The following RTL1 variants were observed in gnomAD, a reference collection of about 807,000 sequenced individuals.
RTL1 encodes retrotransposon Gag like 1, also known as retrotransposon-like protein 1.
For synonymous variants in RTL1, 727 were observed against 748.4 expected (o/e 0.97, Z 0.47); for missense variants, 1,681 against 1,767.5 (o/e 0.95, Z 0.88).
rs922960436 is a variant in RTL1, at chr14:100,881,234, G to T, written c.3555C>A (p.Gly1185=). ...GCCAGAAGCCAGGGGTGAACTGCAG[G>T]CCTCGGTGGGCCTGGGAGTGCAGAG... ...RNALHSQAHR[G]LQFTPGFWLT... Residue 1185 remains glycine (G), a synonymous_variant, in exon 4 of 4, where the codon GGC becomes GGA. Coordinates refer to ENST00000649591, the MANE Select transcript of RTL1 (RefSeq NM_001134888.3). This position sits in a 1 kb window ranked among gnomAD's most constrained non-coding sequence, Gnocchi z 6.6. 47 of 1,547,760 alleles carry T rather than the reference G, an allele frequency of 3.0e-5. No homozygotes were observed. Among genetic ancestry groups the T allele is most frequent in the Non-Finnish European group, 4.0e-5 (46 of 1,145,452 alleles).
intron 3 of RTL1, among the ~76,000 whole-genome samples, chr14:100,885,095 C>G (rs1167763647): frequency 6.6e-6 from 1 of 152,230 alleles, no homozygotes; most frequent in Non-Finnish European, 1.5e-5. Context: ...CAGGCTTATT[C>G]AGTCTGCCTG....
chr14:100,884,224 C>A lies in RTL1; in HGVS notation c.565G>T (p.Glu189Ter). 6.4e-7 allele frequency: 1 copy of A among 1,551,758 alleles called. No homozygotes were observed. The highest frequency in any genetic ancestry group is 2.0e-5 in the Admixed American group (1 of 51,014). ...GCATTGATCCCTTTGATCAAGATCT[C>A]TTCTGCTACTCTCTGTTGCTCTTTG... is the stretch of plus-strand genomic sequence containing the variant. Reference protein sequence around the residue: ...DLKEQQRVAEEILIKGINAGQ... With the variant: ...DLKEQQRVAE The change falls in exon 4 of 4, where the codon GAG (glutamate) becomes TAG (stop). Residue 189 changes from glutamate to a stop codon, truncating the protein, a stop_gained. Coordinates refer to ENST00000649591, the MANE Select transcript of RTL1 (RefSeq NM_001134888.3). LOFTEE classifies it low-confidence loss of function (END_TRUNC).
chr14:100,890,315 C>G (rs1458401034), intron 3 of RTL1, among the ~76,000 whole-genome samples: 1 of 151,452 alleles, frequency 6.6e-6, no homozygotes, highest in African/African-American at 2.4e-5. Flanking sequence ...GTGGGGGGGG[C>G]CATGGGGGGG....
chr14:100,900,548 C>T (rs2038927733), intron 2 of RTL1, among the ~76,000 whole-genome samples: 1 of 152,312 alleles, frequency 6.6e-6, no homozygotes, highest in Admixed American at 6.5e-5. Context: ...AATCCCATTT[C>T]CTAACTTCCT....
chr14:100,898,340 C>T (rs571497830), intron 2 of RTL1, among the ~76,000 whole-genome samples: 8 of 152,280 alleles, frequency 5.3e-5, no homozygotes, highest in South Asian at 4.1e-4. Flanking sequence ...CTGTTACCAA[C>T]GACACTGCAG....
At chr14:100,886,485 C>G (rs759545549) in intron 3 of RTL1, among the ~76,000 whole-genome samples, 3 of 152,080 alleles carry the variant, frequency 2.0e-5, no homozygotes, top group Admixed American at 6.5e-5. Flanking sequence ...ATGTAAGGGC[C>G]TTAATATAAT....
intron 2 of RTL1, among the ~76,000 whole-genome samples, chr14:100,899,454 A>G (rs1256501859): frequency 6.6e-6 from 1 of 152,200 alleles, no homozygotes; most frequent in Non-Finnish European, 1.5e-5. Flanking sequence ...ACCGAGTCAT[A>G]TTCTAAAAAG....
chr14:100,880,914 A>G lies in RTL1; in HGVS notation c.3875T>C (p.Leu1292Pro), dbSNP rs1474713451. ...HLMDPQVLEF[L>P]GSRLLHIHSA... ...GTGGATGTGGAGCAGGCGGCTACCAAGGAATTCCAGGACCTGGGGATCCAT... is the reference window on the plus strand; with the variant it reads ...GTGGATGTGGAGCAGGCGGCTACCAGGGAATTCCAGGACCTGGGGATCCAT... Residue 1292 changes from leucine to proline, a missense_variant, in exon 4 of 4, where the codon CTT becomes CCT. Transcript: ENST00000649591. The G allele has an allele frequency of 9.4e-6, 12 of 1,271,878 alleles. No individual in the cohort carries two copies. Among genetic ancestry groups the G allele is most frequent in the South Asian group, 1.2e-5 (1 of 80,056 alleles). The allele number at this position is 1,271,878 out of a possible 1,614,324, so 78.8% of individuals were successfully genotyped here.
intron 3 of RTL1, among the ~76,000 whole-genome samples, chr14:100,886,930 A>G (rs758268945): frequency 2.0e-5 from 3 of 152,244 alleles, no homozygotes; most frequent in African/African-American, 7.2e-5. Context: ...GACCATGTGA[A>G]TGATTAAATC....
rs187385563 is a variant in RTL1, at chr14:100,900,022, C to A, written c.-149+3269G>T. ...AGGGAAAAGTGTGCTTTCTTGAACA[C>A]CTGGGGGCCGGGGAAGGGGCTGCCC... is the stretch of plus-strand genomic sequence containing the variant. On this transcript the variant is annotated intron_variant, in intron 2 of 3. Coordinates refer to ENST00000649591, the MANE Select transcript of RTL1 (RefSeq NM_001134888.3). Among the ~76,000 whole-genome samples, 268 of 152,340 alleles carry A rather than the reference C, an allele frequency of 1.8e-3. 3 individuals carry two copies. The highest frequency in any genetic ancestry group is 3.4e-3 in the Middle Eastern group (1 of 294).
chr14:100,886,772 TTATC>T (rs2038702937), intron 3 of RTL1, among the ~76,000 whole-genome samples: 1 of 152,198 alleles, frequency 6.6e-6, no homozygotes, highest in Non-Finnish European at 1.5e-5. Flanking sequence ...ATCTGCAGAC[TTATC>T]TATCAGGAAT....
Position 100,882,164 on chromosome 14 carries a change from G to C in RTL1, c.2625C>G (p.Phe875Leu), listed in dbSNP as rs1249436740. The change falls in exon 4 of 4, where the codon TTC (phenylalanine) becomes TTG (leucine). Residue 875 changes from phenylalanine to leucine, a missense_variant. Physicochemically the swap from Phe to Leu is conservative, Grantham distance 22 (BLOSUM62 0). Transcript: ENST00000649591. ...LLHHPKPQNP[F>L]YLETGVTGTA... ...TGCCGGTGACGCCGGTTTCCAAGTAGAATGGGTTCTGGGGCTTGGGGTGGT... is the reference window on the plus strand; with the variant it reads ...TGCCGGTGACGCCGGTTTCCAAGTACAATGGGTTCTGGGGCTTGGGGTGGT... The C allele has an allele frequency of 2.8e-5, 44 of 1,550,534 alleles. No individual in the cohort carries two copies. The highest frequency in any genetic ancestry group is 3.7e-5 in the Non-Finnish European group (43 of 1,147,040).
Position 100,879,885 on chromosome 14 carries a change from C to G in RTL1, c.*827G>C, listed in dbSNP as rs974816069. Among the ~76,000 whole-genome samples, 1 of 151,950 alleles carries G rather than the reference C, an allele frequency of 6.6e-6. No homozygotes were observed. Among genetic ancestry groups the G allele is most frequent in the South Asian group, 2.1e-4 (1 of 4,814 alleles). ...CCTCTCTGTGACTCGGCATGGTCCC[C>G]TGGGTGTCTGTGTGCCTTCTGGGAC... On this transcript the variant is annotated 3_prime_UTR_variant, in exon 4 of 4. Coordinates refer to ENST00000649591, the MANE Select transcript of RTL1 (RefSeq NM_001134888.3).
chr14:100,881,652 A>AG lies in RTL1; in HGVS notation c.3136dup (p.Leu1046ProfsTer120). ...TATCATGGCCAGCAGCTCTTGCCGT[A>AG]GGATCTGTTCATTGAGCTCATCCTG... On this transcript the variant is annotated frameshift_variant, in exon 4 of 4. Coordinates refer to ENST00000649591, the MANE Select transcript of RTL1 (RefSeq NM_001134888.3). LOFTEE classifies it low-confidence loss of function (END_TRUNC). This position sits in a 1 kb window ranked among gnomAD's most constrained non-coding sequence, Gnocchi z 6.6. 1 of 1,552,346 alleles carries AG rather than the reference A, an allele frequency of 6.4e-7. No individual in the cohort carries two copies. The highest frequency in any genetic ancestry group is 8.7e-7 in the Non-Finnish European group (1 of 1,147,260).
chr14:100,881,177 G>T lies in RTL1; in HGVS notation c.3612C>A (p.Val1204=). The T allele has an allele frequency of 1.9e-6, 3 of 1,541,536 alleles. No homozygotes were observed. Among genetic ancestry groups the T allele is most frequent in the Admixed American group, 2.0e-5 (1 of 50,690 alleles). ...LTLCEFFGVR[V]TPQEGHLPAL... Reference sequence around the variant, plus strand: ...CAGGGAGGTGGCCCTCCTGGGGGGTGACTCTGACACCGAAGAACTCACACA... The same window carrying T: ...CAGGGAGGTGGCCCTCCTGGGGGGTTACTCTGACACCGAAGAACTCACACA... Residue 1204 remains valine, a synonymous_variant, in exon 4 of 4, where the codon GTC becomes GTA. Coordinates refer to ENST00000649591, the MANE Select transcript of RTL1 (RefSeq NM_001134888.3). This position sits in a 1 kb window ranked among gnomAD's most constrained non-coding sequence, Gnocchi z 6.6.
At position 100,893,779 on chromosome 14, in the gene RTL1, T is replaced by C. The variant is rs2038814505; in HGVS notation, c.-148-274A>G. Reference sequence around the variant, plus strand: ...TCTAAGAAGCTGCGAGGGCCTTCCTTTTATTATCCCCATTTTTCAGAAGAG... The same window carrying C: ...TCTAAGAAGCTGCGAGGGCCTTCCTCTTATTATCCCCATTTTTCAGAAGAG... On this transcript the variant is annotated intron_variant, in intron 2 of 3. Transcript: ENST00000649591. The surrounding 1 kb of genome is among the most constrained non-coding windows in gnomAD (Gnocchi z 4.2). Among the ~76,000 whole-genome samples the C allele has an allele frequency of 6.6e-6, 1 of 152,180 alleles. No individual in the cohort carries two copies. Among genetic ancestry groups the C allele is most frequent in the Admixed American group, 6.5e-5 (1 of 15,284 alleles).
Position 100,882,198 on chromosome 14 carries a change from G to A in RTL1, c.2591C>T (p.Pro864Leu), listed in dbSNP as rs2038625526. 1 of 1,550,436 alleles carries A rather than the reference G, an allele frequency of 6.4e-7. No individual in the cohort carries two copies. ...CTGGGGCTTGGGGTGGTGGAGGAGA[G>A]GCGCCTTGCGGAAAGCCCTCTTCAG... ...ECLKRAFRKA[P>L]LLHHPKPQNP... Residue 864 changes from proline to leucine, a missense_variant, in exon 4 of 4, where the codon CCT becomes CTT. By Grantham distance (98) the Pro-to-Leu change is moderately conservative. Coordinates refer to ENST00000649591, the MANE Select transcript of RTL1 (RefSeq NM_001134888.3).
rs1382950295 is a variant in RTL1 at position 100,903,665 on chromosome 14, A to C, written c.-305T>G. On this transcript the variant is annotated 5_prime_UTR_variant, in exon 1 of 4. Transcript: ENST00000649591. ...AACCCCAGACTCTCCGAGGCTCCCC[A>C]CCACACCCTGCTGCTGAAGGCTGCT... Among the ~76,000 whole-genome samples the C allele has an allele frequency of 6.6e-6, 1 of 152,036 alleles. No individual in the cohort carries two copies. The highest frequency in any genetic ancestry group is 2.4e-5 in the African/African-American group (1 of 41,370).
In RTL1 at chr14:100,893,953, T is replaced by C. The variant is rs79692323; in HGVS notation, c.-148-448A>G. ...ATGGCCCTGCAGCCTTGCTCTTCAG[T>C]TCCTGGAAGCCTCCTGCCCTTGGTG... On this transcript the variant is annotated intron_variant, in intron 2 of 3. Transcript: ENST00000649591. The surrounding 1 kb of genome is among the most constrained non-coding windows in gnomAD (Gnocchi z 4.2). Among the ~76,000 whole-genome samples, 663 of 152,312 alleles carry C rather than the reference T, an allele frequency of 4.4e-3. 2 individuals carry two copies. Among genetic ancestry groups the C allele is most frequent in the African/African-American group, 0.014 (566 of 41,570 alleles).
Sources: allele counts gnomAD v4.1 joint callset (sites outside exome capture counted in the v4.1 genomes callset), GRCh38; gene constraint gnomAD v4.1.1; non-coding constraint Gnocchi (gnomAD v3.1); transcripts MANE v1.5; gene names NCBI Gene and HGNC (gene_info 2026-07-23, HGNC 2026-07-21).